ZNF813: variants seen among roughly 807,000 people sequenced by gnomAD.
ZNF813 encodes the protein zinc finger protein 813.
Under a neutral mutation model 7.2 loss-of-function variants are expected in ZNF813, and 3 were observed. That is an observed-to-expected ratio of 0.42 (90% CI 0.19 to 1.08). ZNF813 has a LOEUF of 1.08. Ranked by LOEUF, ZNF813 falls within the 50% of genes least tolerant of loss-of-function variation. ZNF813 has a pLI of 0.30. For synonymous variants in ZNF813, 227 were observed against 256.3 expected, an observed-to-expected ratio of 0.89 and a Z score of 1.09; for missense variants, 714 against 753.3, an observed-to-expected ratio of 0.95 and a Z score of 0.61.
chr19:53,468,721 G>T (rs940777379), intron 1 of ZNF813, among the ~76,000 whole-genome samples: 1 of 152,190 alleles, frequency 6.6e-6, no homozygotes, highest in South Asian at 2.1e-4. Context: ...CAGTATTGCT[G>T]CCAGCATATC....
intron 1 of ZNF813, among the ~76,000 whole-genome samples, chr19:53,482,712 GT>G (rs869250512): frequency 0.22 from 19,616 of 88,954 alleles, 2,010 homozygotes; most frequent in East Asian, 0.37. Context: ...AATGCTTTTT[GT>G]TTTTTTTTTT....
intron 1 of ZNF813, among the ~76,000 whole-genome samples, chr19:53,469,959 C>A (rs1267551610): frequency 2.2e-5 from 3 of 138,144 alleles, no homozygotes; most frequent in Admixed American, 7.4e-5. Context: ...ATCTAAAAAG[C>A]TGAGCATTTC....
intron 1 of ZNF813, among the ~76,000 whole-genome samples, chr19:53,471,450 G>T (rs2708715): frequency 0.5 from 75,363 of 151,278 alleles, 18,951 homozygotes; most frequent in African/African-American, 0.58. Flanking sequence ...ATTCTTCTAG[G>T]GAGTCTGTAA....
In ZNF813 at chr19:53,492,956, T is replaced by TA. The variant is rs1340791465; in HGVS notation, c.*871dup. The TA allele has an allele frequency of 2.1e-6, 1 of 470,426 alleles. No homozygotes were observed. Among genetic ancestry groups the TA allele is most frequent in the Non-Finnish European group, 4.4e-6 (1 of 229,586 alleles). The allele number at this position is 470,426 out of a possible 1,614,324, so 29.1% of individuals were successfully genotyped here. A position where few individuals can be genotyped will look rare whatever the true frequency, so the allele number is the denominator to read the frequency against. Reference sequence around the variant, plus strand: ...GAGAATGCACACTGGACGGAAATCTTACAAATGTCATCAGTGTGGCAAGGT... The same window carrying TA: ...GAGAATGCACACTGGACGGAAATCTTAACAAATGTCATCAGTGTGGCAAGGT... On this transcript the variant is annotated 3_prime_UTR_variant, in exon 4 of 4. Coordinates refer to ENST00000396403, the MANE Select transcript of ZNF813 (RefSeq NM_001004301.4).
chr19:53,472,543 A>T (rs966043130), intron 1 of ZNF813, among the ~76,000 whole-genome samples: 5 of 151,682 alleles, frequency 3.3e-5, no homozygotes, highest in Admixed American at 2.0e-4. Context: ...GTGTTATAAC[A>T]TACATAAGGT....
intron 3 of ZNF813, among the ~76,000 whole-genome samples, chr19:53,487,617 G>GCAAAACTC (rs201993901): frequency 0.019 from 2,867 of 151,998 alleles, 92 homozygotes; most frequent in African/African-American, 0.064. Flanking sequence ...GGCTAACATG[G>GCAAAACTC]CAAAACTCCA....
chr19:53,476,685 A>G (rs1345596975), intron 1 of ZNF813, among the ~76,000 whole-genome samples: 1 of 151,248 alleles, frequency 6.6e-6, no homozygotes, highest in Non-Finnish European at 1.5e-5. Flanking sequence ...ACGGAGTCTC[A>G]CTCTGTCGCC....
At position 53,491,474 on chromosome 19, in the gene ZNF813, T is replaced by A. The variant is rs2086461776; in HGVS notation, c.1242T>A (p.Asn414Lys). ...LHTGEKPYKC[N>K]ECGKVFNKKA... ...CCGGAGAGAAGCCTTACAAGTGTAA[T>A]GAATGTGGCAAGGTTTTTAATAAAA... Residue 414 changes from asparagine to lysine, a missense_variant, in exon 4 of 4, where the codon AAT becomes AAA. Physicochemically the swap from Asn to Lys is moderately conservative, Grantham distance 94. Around this residue, in one of 3 missense-constraint regions of ZNF813, gnomAD observed 563 missense variants for 554.2 expected, o/e 1.02. Transcript: ENST00000396403. 6.2e-7 allele frequency: 1 copy of A among 1,614,126 alleles called. No homozygotes were observed. The highest frequency in any genetic ancestry group is 8.5e-7 in the Non-Finnish European group (1 of 1,179,996).
chr19:53,473,208 C>G (rs1288130763), intron 1 of ZNF813, among the ~76,000 whole-genome samples: 10 of 152,306 alleles, frequency 6.6e-5, no homozygotes, highest in Middle Eastern at 3.4e-3. Flanking sequence ...CTTAAGATTT[C>G]TAACCACATT....
At chr19:53,488,704 C>T (rs900835873) in intron 3 of ZNF813, among the ~76,000 whole-genome samples, 16 of 151,920 alleles carry the variant, frequency 1.1e-4, no homozygotes, top group Non-Finnish European at 2.2e-4. Flanking sequence ...CAGGCGTGAG[C>T]CACCGCGCCC....
intron 1 of ZNF813, among the ~76,000 whole-genome samples, chr19:53,471,083 T>C (rs75367958): frequency 2.0e-5 from 3 of 152,224 alleles, no homozygotes; most frequent in African/African-American, 7.2e-5. Context: ...TCTTCTATTT[T>C]TATGTCTTTT....
At chr19:53,479,120 A>G (rs892815369) in intron 1 of ZNF813, among the ~76,000 whole-genome samples, 1 of 152,044 alleles carries the variant, frequency 6.6e-6, no homozygotes, top group African/African-American at 2.4e-5. Flanking sequence ...CTTTTAGCAG[A>G]TATGGGGTTT....
intron 1 of ZNF813, among the ~76,000 whole-genome samples, chr19:53,481,766 C>G (rs1302197299): frequency 1.3e-5 from 2 of 152,112 alleles, no homozygotes; most frequent in East Asian, 3.9e-4. Context: ...ATAAATGTTA[C>G]TGTGATTTTC....
At chr19:53,487,468 C>T (rs1474830943) in intron 3 of ZNF813, among the ~76,000 whole-genome samples, 2 of 152,062 alleles carry the variant, frequency 1.3e-5, no homozygotes, top group East Asian at 1.9e-4. Flanking sequence ...TTCAGTGGTG[C>T]GATCTTGGGT....
At chr19:53,484,119 G>A (rs929674780) in intron 2 of ZNF813, among the ~76,000 whole-genome samples, 3 of 152,052 alleles carry the variant, frequency 2.0e-5, no homozygotes, top group Non-Finnish European at 2.9e-5. Context: ...GTGCTGTTGG[G>A]CAGCAGGGAT....
chr19:53,488,533 C>T (rs1303411124), intron 3 of ZNF813, among the ~76,000 whole-genome samples: 2 of 151,560 alleles, frequency 1.3e-5, no homozygotes, highest in Non-Finnish European at 2.9e-5. Flanking sequence ...CTCAGTCCCC[C>T]AAGTAGATGG....
rs888896731 is a variant in ZNF813 at position 53,480,052 on chromosome 19, G to T, written c.-73-3698G>T. The T allele has an allele frequency of 3.9e-6, 3 of 762,844 alleles. No homozygotes were observed. In the African/African-American group the frequency reaches 5.1e-5, roughly 13 times the overall value. The allele number at this position is 762,844 out of a possible 1,614,324, so 47.3% of individuals were successfully genotyped here. A position where few individuals can be genotyped will look rare whatever the true frequency, so the allele number is the denominator to read the frequency against. On this transcript the variant is annotated intron_variant, in intron 1 of 3. Transcript: ENST00000396403. ...AAGAGGAACACCTCTGTACACAAAG[G>T]ATGCTGGACCAGACTCTGCTTGACC...
intron 1 of ZNF813, among the ~76,000 whole-genome samples, chr19:53,472,607 C>CTTTTTTTTTTTTTTTTTTTT (rs200658542): frequency 7.3e-6 from 1 of 136,500 alleles, no homozygotes. Flanking sequence ...AAGTACAAGT[C>CTTTTTTTTTTTTTTTTTTTT]TTTCTTTTTT....
At chr19:53,477,823 A>G (rs2086389054) in intron 1 of ZNF813, among the ~76,000 whole-genome samples, 1 of 152,160 alleles carries the variant, frequency 6.6e-6, no homozygotes, top group Admixed American at 6.5e-5. Context: ...CCTGTCTCAA[A>G]AGAATAAAAG....
Sources: gnomAD v4.1 joint callset for allele counts (sites outside exome capture counted in the v4.1 genomes callset) on GRCh38, gnomAD v4.1.1 for gene constraint, gnomAD v4.1.1 regional missense constraint, MANE v1.5 for transcripts, NCBI Gene and HGNC (gene_info 2026-07-23, HGNC 2026-07-21) for gene names.